The following PDE4D variants were observed in gnomAD, a reference collection of about 807,000 sequenced individuals.
The protein encoded by PDE4D is phosphodiesterase 4D, also known as 3',5'-cyclic-AMP phosphodiesterase 4D.
A neutral mutation model predicts 87.4 loss-of-function variants in PDE4D; 24 were observed. The ratio of observed to expected loss-of-function variants is 0.27; its 90% CI spans 0.20 to 0.39. The LOEUF (loss-of-function observed/expected upper bound fraction) is 0.39, where lower values mean the gene tolerates loss of function less well. Ranked by LOEUF, PDE4D falls within the 10% of genes least tolerant of loss-of-function variation. PDE4D has a pLI of 1.00. For synonymous variants in PDE4D, 384 were observed against 383.2 expected (o/e 1.00, Z -0.02); for missense variants, 714 against 1,041.0 (o/e 0.69, Z 4.32).
At chr5:59,126,202 C>T (rs1775380746) in intron 5 of PDE4D, among the ~76,000 whole-genome samples, 1 of 150,458 alleles carries the variant, frequency 6.6e-6, no homozygotes, top group African/African-American at 2.4e-5. Flanking sequence ...AAGAAGGGTT[C>T]CATTTATAAA....
At chr5:59,717,330 G>A (rs1289648441) in intron 1 of PDE4D, among the ~76,000 whole-genome samples, 1 of 152,164 alleles carries the variant, frequency 6.6e-6, no homozygotes, top group African/African-American at 2.4e-5. Context: ...TTCCCTTGCT[G>A]TGGGGATGCA....
intron 1 of PDE4D, among the ~76,000 whole-genome samples, chr5:60,213,531 C>A (rs1273835236): frequency 6.6e-6 from 1 of 152,188 alleles, no homozygotes; most frequent in African/African-American, 2.4e-5. Flanking sequence ...TACCTCTTCT[C>A]CCCTCCCGAT....
At chr5:59,767,387 G>A (rs1331717211) in intron 1 of PDE4D, among the ~76,000 whole-genome samples, 3 of 151,714 alleles carry the variant, frequency 2.0e-5, no homozygotes, top group African/African-American at 7.3e-5. Context: ...TCACTGATCA[G>A]AGTTTGGAAT....
intron 6 of PDE4D, among the ~76,000 whole-genome samples, chr5:59,025,710 T>A (rs1756087462): frequency 6.6e-6 from 1 of 152,248 alleles, no homozygotes; most frequent in Non-Finnish European, 1.5e-5. Flanking sequence ...CACTACTGTT[T>A]ATACAAAAAG....
chr5:60,230,608 G>C (rs1305795080), intron 1 of PDE4D, among the ~76,000 whole-genome samples: 9 of 152,108 alleles, frequency 5.9e-5, no homozygotes, highest in Non-Finnish European at 4.4e-5. Flanking sequence ...TTTTAGGAAA[G>C]GAGAAGCTGG....
At chr5:59,646,744 G>T (rs1054136783) in intron 1 of PDE4D, among the ~76,000 whole-genome samples, 5 of 152,104 alleles carry the variant, frequency 3.3e-5, no homozygotes, top group Admixed American at 3.3e-4. Context: ...GATAAAATTT[G>T]TAGACAATAG....
intron 1 of PDE4D, among the ~76,000 whole-genome samples, chr5:59,480,292 G>T (rs185275958): frequency 9.4e-4 from 142 of 151,748 alleles, no homozygotes; most frequent in Non-Finnish European, 9.6e-4. Flanking sequence ...TGTAACATTA[G>T]AATAAATGCA....
intron 1 of PDE4D, among the ~76,000 whole-genome samples, chr5:59,354,630 G>A (rs985075290): frequency 3.7e-4 from 57 of 152,116 alleles, no homozygotes; most frequent in Non-Finnish European, 8.8e-5. Flanking sequence ...GGCTGAATGC[G>A]TAATCTCCTT....
At position 59,832,760 on chromosome 5, in the gene PDE4D, C is replaced by T. The variant is rs145895554; in HGVS notation, c.455+60408G>A. Reference sequence around the variant, plus strand: ...TATGGATTGGCTATCAAGGGACTTCCACCACTAATCAATATTGGACAAAGA... The same window carrying T: ...TATGGATTGGCTATCAAGGGACTTCTACCACTAATCAATATTGGACAAAGA... On this transcript the variant is annotated intron_variant, in intron 1 of 14. Transcript: ENST00000340635. Among the ~76,000 whole-genome samples the T allele has an allele frequency of 5.3e-5, 8 of 152,108 alleles. No homozygotes were observed. The East Asian group carries it at 1.4e-3, about 26-fold the overall frequency.
chr5:60,178,192 AC>A (rs1784094934), intron 2 of PDE4D, among the ~76,000 whole-genome samples: 1 of 152,198 alleles, frequency 6.6e-6, no homozygotes, highest in Non-Finnish European at 1.5e-5. Flanking sequence ...GTTTTAACTT[AC>A]GTCTATTCTG....
At chr5:59,176,142 T>G (rs912117116) in intron 5 of PDE4D, among the ~76,000 whole-genome samples, 5 of 152,164 alleles carry the variant, frequency 3.3e-5, no homozygotes, top group African/African-American at 1.2e-4. Flanking sequence ...TTCAAAGCCT[T>G]ACTTTTAAGG....
intron 3 of PDE4D, among the ~76,000 whole-genome samples, chr5:59,187,916 C>G (rs138234505): frequency 6.6e-6 from 1 of 151,614 alleles, no homozygotes; most frequent in Admixed American, 6.6e-5. Flanking sequence ...GGGGTGTTGT[C>G]TTGGGCCTCG....
At chr5:59,451,015 A>G (rs1202319003) in intron 1 of PDE4D, among the ~76,000 whole-genome samples, 2 of 152,138 alleles carry the variant, frequency 1.3e-5, no homozygotes, top group Non-Finnish European at 2.9e-5. Context: ...TCTTGAAATA[A>G]TTTTGTTTAT....
intron 1 of PDE4D, among the ~76,000 whole-genome samples, chr5:60,261,674 G>C (rs750159153): frequency 6.6e-6 from 1 of 151,996 alleles, no homozygotes; most frequent in Admixed American, 6.6e-5. Flanking sequence ...TAATGCCCAA[G>C]GTTTAAATTT....
intron 1 of PDE4D, among the ~76,000 whole-genome samples, chr5:59,363,917 T>C (rs1782632051): frequency 6.6e-6 from 1 of 152,262 alleles, no homozygotes; most frequent in Admixed American, 6.5e-5. Flanking sequence ...GGAAAAGTGA[T>C]CCTGTCAATG....
chr5:59,362,731 G>A (rs1038772890), intron 1 of PDE4D, among the ~76,000 whole-genome samples: 2 of 152,080 alleles, frequency 1.3e-5, no homozygotes, highest in East Asian at 1.9e-4. Context: ...GGACAGAAAT[G>A]GCTTCTTACA....
At chr5:59,058,222 A>T (rs1475582054) in intron 5 of PDE4D, among the ~76,000 whole-genome samples, 1 of 152,202 alleles carries the variant, frequency 6.6e-6, no homozygotes, top group Non-Finnish European at 1.5e-5. Context: ...TCTGAGAATC[A>T]TTAACTGGAC....
chr5:60,473,789 A>G (rs573425267), intron 1 of PDE4D, among the ~76,000 whole-genome samples: 35 of 151,604 alleles, frequency 2.3e-4, no homozygotes, highest in Non-Finnish European at 4.6e-4. Flanking sequence ...TTCCAATTTC[A>G]TGGTGTTCTT....
intron 3 of PDE4D, among the ~76,000 whole-genome samples, chr5:59,981,504 C>T (rs1761930801): frequency 6.6e-6 from 1 of 152,102 alleles, no homozygotes; most frequent in South Asian, 2.1e-4. Context: ...CAATTTTTGG[C>T]ATTGATTACT....
Sources: gnomAD v4.1 joint callset for allele counts (sites outside exome capture counted in the v4.1 genomes callset) on GRCh38, gnomAD v4.1.1 for gene constraint, MANE v1.5 for transcripts, NCBI Gene and HGNC (gene_info 2026-07-23, HGNC 2026-07-21) for gene names.